The following FARP1 variants were observed in gnomAD, a reference collection of about 807,000 sequenced individuals.
The protein encoded by FARP1 is FERM, ARH/RhoGEF and pleckstrin domain protein 1, also known as FERM, ARHGEF and pleckstrin domain-containing protein 1.
In FARP1, 52 loss-of-function variants were observed where a neutral mutation model predicts 128.8. That is an observed-to-expected ratio of 0.40 (90% confidence interval 0.32 to 0.51). The LOEUF (loss-of-function observed/expected upper bound fraction) is 0.51. Ranked by LOEUF, FARP1 falls within the 20% of genes least tolerant of loss-of-function variation. The pLI is 0.45. For missense variants in FARP1, 1,333 were observed against 1,367.9 expected (o/e 0.97, Z 0.40); for synonymous variants, 580 against 551.8 (o/e 1.05, Z -0.72).
At chr13:98,336,580 T>G (rs1887755180) in intron 2 of FARP1, among the ~76,000 whole-genome samples, 1 of 152,174 alleles carries the variant, frequency 6.6e-6, no homozygotes, top group African/African-American at 2.4e-5. Context: ...CCTAGAAATG[T>G]TTTAAAGTCA....
chr13:98,333,435 G>C (rs1250882337), intron 2 of FARP1, among the ~76,000 whole-genome samples: 1 of 63,004 alleles, frequency 1.6e-5, no homozygotes, highest in Non-Finnish European at 3.3e-5. Flanking sequence ...TCCCCCACAT[G>C]TACACACACA....
At chr13:98,378,954 A>G (rs866426280) in intron 6 of FARP1, among the ~76,000 whole-genome samples, 109 of 97,016 alleles carry the variant, frequency 1.1e-3, no homozygotes, top group East Asian at 3.7e-3. Context: ...TATAATATAT[A>G]TATAATATAT....
At position 98,385,765 on chromosome 13, in the gene FARP1, G is replaced by A; in HGVS notation, c.710G>A (p.Gly237Asp). 6.2e-7 allele frequency: 1 copy of A among 1,614,202 alleles called. No homozygotes were observed. Among genetic ancestry groups the A allele is most frequent in the Non-Finnish European group, 8.5e-7 (1 of 1,180,048 alleles). Reference protein sequence around the residue: ...IRLHPAKDREGTKINLAVANT... With the variant: ...IRLHPAKDREDTKINLAVANT... ...TTGCACCCGGCCAAGGACAGGGAAGGCACGAAGATCAATCTGGCCGTTGCC... is the reference window on the plus strand; with the variant it reads ...TTGCACCCGGCCAAGGACAGGGAAGACACGAAGATCAATCTGGCCGTTGCC... Residue 237 changes from glycine (G) to aspartate (D), a missense_variant, in exon 8 of 27, where the codon GGC (glycine) becomes GAC (aspartate). Physicochemically the swap from Gly to Asp is moderately conservative, Grantham distance 94. Coordinates refer to ENST00000319562, the MANE Select transcript of FARP1 (RefSeq NM_005766.4).
chr13:98,412,496 C>T (rs1178365626), intron 16 of FARP1, among the ~76,000 whole-genome samples: 8 of 152,196 alleles, frequency 5.3e-5, no homozygotes, highest in East Asian at 1.9e-4. Flanking sequence ...CGTGTGCATG[C>T]GCACACACAC....
chr13:98,446,918 T>C, intron 26 of FARP1, 101 bp downstream of exon 26: 1 of 1,283,022 alleles, frequency 7.8e-7, no homozygotes. Flanking sequence ...GCCCCACCCT[T>C]CCCTGCCAAC....
In FARP1 at chr13:98,238,545, A is replaced by G. The variant is rs550126429; in HGVS notation, c.171+25132A>G. On this transcript the variant is annotated intron_variant, in intron 2 of 26. Coordinates refer to ENST00000319562, the MANE Select transcript of FARP1 (RefSeq NM_005766.4). Reference sequence around the variant, plus strand: ...ACATGGGTGGGGAGGCCTCACAATCATGGCAGAAGGCAAAGGAGGAGAAAG... The same window carrying G: ...ACATGGGTGGGGAGGCCTCACAATCGTGGCAGAAGGCAAAGGAGGAGAAAG... Among the ~76,000 whole-genome samples, 136 of 152,324 alleles carry G rather than the reference A, an allele frequency of 8.9e-4. 1 individual carries two copies. Among genetic ancestry groups the G allele is most frequent in the Middle Eastern group, 3.4e-3 (1 of 294 alleles).
At position 98,440,744 on chromosome 13, in the gene FARP1, C is replaced by T. The variant is rs61749894; in HGVS notation, c.2704C>T (p.Arg902Cys). Residue 902 changes from arginine (R) to cysteine (C), a missense_variant, in exon 24 of 27, where the codon CGC becomes TGC. Physicochemically the swap from Arg to Cys is radical, Grantham distance 180. Transcript: ENST00000319562. ...GAGCGCCTCGCGCACATCGCTGGAG[C>T]GCCAGGCCCCGCACCGCGGCAACAC... ...DLSASRTSLERQAPHRGNTMV... is the reference protein window; with the variant it reads ...DLSASRTSLECQAPHRGNTMV... 6.5e-3 allele frequency: 10,437 copies of T among 1,613,426 alleles called. 51 individuals are homozygous for T. Among genetic ancestry groups the T allele is most frequent in the Non-Finnish European group, 7.7e-3 (9,081 of 1,179,986 alleles).
At chr13:98,188,792 C>T (rs1879047195) in intron 1 of FARP1, among the ~76,000 whole-genome samples, 1 of 152,192 alleles carries the variant, frequency 6.6e-6, no homozygotes, top group Non-Finnish European at 1.5e-5. Flanking sequence ...CGAAGTCCTC[C>T]TTCAGAAGTG....
At chr13:98,392,596 A>G (rs1404328399) in intron 11 of FARP1, among the ~76,000 whole-genome samples, 2 of 152,096 alleles carry the variant, frequency 1.3e-5, no homozygotes, top group Non-Finnish European at 2.9e-5. Context: ...TGCTTTTTTA[A>G]TACTACCTTT....
intron 1 of FARP1, among the ~76,000 whole-genome samples, chr13:98,164,778 AGTTAGAATT>A (rs1332905624): frequency 6.6e-6 from 1 of 152,098 alleles, no homozygotes; most frequent in Non-Finnish European, 1.5e-5. Context: ...GAGGTTTGTC[AGTTAGAATT>A]GTCCCAAGTG....
chr13:98,185,999 C>G (rs1278889180), intron 1 of FARP1, among the ~76,000 whole-genome samples: 1 of 151,974 alleles, frequency 6.6e-6, no homozygotes, highest in African/African-American at 2.4e-5. Context: ...CGTCCGGCCA[C>G]ATTTACTGTT....
Position 98,446,036 on chromosome 13 carries a change from C to G in FARP1, c.2797-62C>G, listed in dbSNP as rs1262228122. Reference sequence around the variant, plus strand: ...CAGGGCCCTGGTGCAGGGAGAGCTGCTCTCTGTGCCCTCCTGGGGCAGGTG... The same window carrying G: ...CAGGGCCCTGGTGCAGGGAGAGCTGGTCTCTGTGCCCTCCTGGGGCAGGTG... On this transcript the variant is annotated intron_variant, in intron 24 of 26. Transcript: ENST00000319562. 13 of 1,136,992 alleles carry G rather than the reference C, an allele frequency of 1.1e-5. No homozygotes were observed. The African/African-American group carries it at 1.5e-4, about 13-fold the overall frequency. The allele number at this position is 1,136,992 out of a possible 1,614,324, so 70.4% of individuals were successfully genotyped here. A position where few individuals can be genotyped will look rare whatever the true frequency, so the allele number is the denominator to read the frequency against.
At chr13:98,222,979 G>A (rs1402903397) in intron 2 of FARP1, among the ~76,000 whole-genome samples, 1 of 152,022 alleles carries the variant, frequency 6.6e-6, no homozygotes, top group Non-Finnish European at 1.5e-5. Context: ...AGAGGGCGGA[G>A]TCTGCAGAAG....
intron 2 of FARP1, among the ~76,000 whole-genome samples, chr13:98,289,125 T>C (rs1885334313): frequency 6.6e-6 from 1 of 152,190 alleles, no homozygotes; most frequent in South Asian, 2.1e-4. Context: ...AAATGTACTT[T>C]TGGGCTGAAT....
chr13:98,245,226 G>A, intron 2 of FARP1: 5 of 985,354 alleles, frequency 5.1e-6, no homozygotes, highest in Non-Finnish European at 6.0e-6. Flanking sequence ...AGTAATTTTT[G>A]TGTAACTTTT....
intron 16 of FARP1, among the ~76,000 whole-genome samples, chr13:98,416,977 G>A (rs1249602781): frequency 5.3e-5 from 8 of 152,158 alleles, no homozygotes; most frequent in African/African-American, 1.2e-4. Context: ...GAAAGCATGC[G>A]GGAGACTGGC....
At chr13:98,319,582 T>C (rs142642677) in intron 2 of FARP1, among the ~76,000 whole-genome samples, 2 of 152,336 alleles carry the variant, frequency 1.3e-5, no homozygotes, top group Admixed American at 6.5e-5. Flanking sequence ...ATTGCGCCAC[T>C]GCACTCCAGC....
intron 10 of FARP1, chr13:98,390,607 G>C (rs1173748656): frequency 1.9e-6 from 1 of 532,488 alleles, no homozygotes; most frequent in Non-Finnish European, 3.3e-6. Context: ...CATTTTTTCT[G>C]TATATTCAAG....
intron 2 of FARP1, among the ~76,000 whole-genome samples, chr13:98,309,026 A>G (rs976022128): frequency 5.3e-5 from 8 of 151,912 alleles, no homozygotes; most frequent in Non-Finnish European, 1.0e-4. Context: ...TAATAATTTA[A>G]AGTGATCTTT....
Sources: allele counts gnomAD v4.1 joint callset (sites outside exome capture counted in the v4.1 genomes callset), GRCh38; gene constraint gnomAD v4.1.1; transcripts MANE v1.5; gene names NCBI Gene and HGNC (gene_info 2026-07-23, HGNC 2026-07-21).